The following TSLP variants were observed in gnomAD, a reference collection of about 807,000 sequenced individuals.
TSLP encodes the protein thymic stroma-derived lymphopoietin.
TSLP carries 12 observed loss-of-function variants against 12.4 expected under a neutral mutation model. The observed-to-expected ratio is 0.97, with a 90% CI of 0.62 to 1.57. The LOEUF is 1.57. Ranked by LOEUF, TSLP falls within the 40% of genes most tolerant of loss-of-function variation. TSLP has a pLI of 0.00. For synonymous variants in TSLP, 97 were observed against 69.5 expected (o/e 1.40, Z -1.97); for missense variants, 222 against 189.6 (o/e 1.17, Z -1.00).
chr5:111,071,649 G>C, upstream of TSLP: 2 of 1,430,042 alleles, frequency 1.4e-6, no homozygotes, highest in Non-Finnish European at 1.9e-6. Flanking sequence ...AAAATCATTG[G>C]CCTAGGAGAA....
At chr5:111,072,973 A>T in intron 2 of TSLP, 41 bp downstream of exon 2, 3 of 1,610,006 alleles carry the variant, frequency 1.9e-6, no homozygotes, top group Non-Finnish European at 2.6e-6. Context: ...CTCCAGGGAG[A>T]CGCCAGGCAT....
chr5:111,071,954 C>T lies in TSLP; in HGVS notation c.64C>T (p.Leu22Phe), dbSNP rs768686022. The T allele has an allele frequency of 1.2e-6, 2 of 1,614,220 alleles. No homozygotes were observed. Among genetic ancestry groups the T allele is most frequent in the South Asian group, 1.1e-5 (1 of 91,080 alleles). Residue 22 changes from leucine (L) to phenylalanine (F), a missense_variant, in exon 1 of 4, where the codon CTT becomes TTT. Leu to Phe is a conservative substitution (Grantham distance 22, BLOSUM62 0). Coordinates refer to ENST00000344895, the MANE Select transcript of TSLP (RefSeq NM_033035.5). Reference sequence around the variant, plus strand: ...TTTCAGGAAAATCTTCATCTTACAACTTGTAGGGCTGGTGTTAACTTACGA... The same window carrying T: ...TTTCAGGAAAATCTTCATCTTACAATTTGTAGGGCTGGTGTTAACTTACGA... ...VSFRKIFILQ[L>F]VGLVLTYDFT... is the part of the protein sequence containing the mutation.
Position 111,072,951 on chromosome 5 carries a change from G to T in TSLP, c.216+19G>T. 1 of 1,614,086 alleles carries T rather than the reference G, an allele frequency of 6.2e-7. No individual in the cohort carries two copies. The highest frequency in any genetic ancestry group is 1.1e-5 in the South Asian group (1 of 91,080). ...CAATCGGGTGAGTAGAGAGTTCAGT[G>T]CTGCTGGCTTTCTCCAGGGAGACGC... is the stretch of plus-strand genomic sequence containing the variant. On this transcript the variant is annotated intron_variant, in intron 2 of 3. Transcript: ENST00000344895.
At position 111,076,207 on chromosome 5, in the gene TSLP, T is replaced by C; in HGVS notation, c.*133T>C. 17 of 1,108,744 alleles carry C rather than the reference T, an allele frequency of 1.5e-5. No individual in the cohort carries two copies. Among genetic ancestry groups the C allele is most frequent in the Non-Finnish European group, 2.0e-5 (15 of 766,640 alleles). 68.7% of individuals were successfully genotyped at this position (1,108,744 alleles called of 1,614,324 possible). A position where few individuals can be genotyped will look rare whatever the true frequency, so the allele number is the denominator to read the frequency against. ...TTTAATTACAGAAGAGTTTCTTAACTTACTTTTGTAAGTTTTTATTGTGTA... is the reference window on the plus strand; with the variant it reads ...TTTAATTACAGAAGAGTTTCTTAACCTACTTTTGTAAGTTTTTATTGTGTA... On this transcript the variant is annotated 3_prime_UTR_variant, in exon 4 of 4. Coordinates refer to ENST00000344895, the MANE Select transcript of TSLP (RefSeq NM_033035.5).
rs760401501 is a variant in TSLP, at chr5:111,077,809, T to C, written c.*1735T>C. On this transcript the variant is annotated 3_prime_UTR_variant, in exon 4 of 4. Coordinates refer to ENST00000344895, the MANE Select transcript of TSLP (RefSeq NM_033035.5). Reference sequence around the variant, plus strand: ...TCTATGTGTTCCATAGATATCTTAATGTAAAATTAGTCATTTAAATTACAC... The same window carrying C: ...TCTATGTGTTCCATAGATATCTTAACGTAAAATTAGTCATTTAAATTACAC... 1 of 152,626 alleles carries C rather than the reference T, an allele frequency of 6.6e-6. No individual in the cohort carries two copies. Among genetic ancestry groups the C allele is most frequent in the Non-Finnish European group, 1.5e-5 (1 of 68,032 alleles). The allele number at this position is 152,626 out of a possible 1,614,324, so 9.5% of individuals were successfully genotyped here.
Position 111,073,736 on chromosome 5 carries a change from A to G in TSLP, c.351+91A>G, listed in dbSNP as rs568861978. ...GTGCAGAAGTCGTTCTCTTATTTTT[A>G]TTTAGGTTTTATCTTTCGAAGAGCA... On this transcript the variant is annotated intron_variant, in intron 3 of 3. Transcript: ENST00000344895. 6 of 1,429,976 alleles carry G rather than the reference A, an allele frequency of 4.2e-6. No individual in the cohort carries two copies. In the African/African-American group the frequency reaches 5.8e-5, roughly 14 times the overall value. The allele number at this position is 1,429,976 out of a possible 1,614,324, so 88.6% of individuals were successfully genotyped here. A position where few individuals can be genotyped will look rare whatever the true frequency, so the allele number is the denominator to read the frequency against.
intron 3 of TSLP, among the ~76,000 whole-genome samples, chr5:111,073,865 G>T (rs1343120943): frequency 6.6e-6 from 1 of 152,140 alleles, no homozygotes; most frequent in African/African-American, 2.4e-5. Flanking sequence ...GCTGAATTAT[G>T]GTTCTAAACC....
intron 3 of TSLP, among the ~76,000 whole-genome samples, chr5:111,075,410 A>C (rs1203171102): frequency 6.6e-6 from 1 of 152,166 alleles, no homozygotes; most frequent in African/African-American, 2.4e-5. Context: ...GATGGGGAGC[A>C]GGAGCATGCA....
chr5:111,073,083 G>A, intron 2 of TSLP, 151 bp downstream of exon 2: 4 of 999,004 alleles, frequency 4.0e-6, no homozygotes, highest in Non-Finnish European at 6.0e-6. Context: ...CTGTCAGAGC[G>A]GGGCTGCGCC....
chr5:111,072,776 T>C, intron 1 of TSLP, 112 bp from the exon 2 acceptor site: 1 of 1,064,686 alleles, frequency 9.4e-7, no homozygotes, highest in Non-Finnish European at 1.5e-6. Context: ...GGTACCTGAG[T>C]GGAAACTGTT....
chr5:111,072,029 A>C lies in TSLP; in HGVS notation c.139A>C (p.Ile47Leu). ...GATTAAAGCAGCCTATCTCAGTACTATTTCTAAAGACCTGATTACATATAT... is the reference window on the plus strand; with the variant it reads ...GATTAAAGCAGCCTATCTCAGTACTCTTTCTAAAGACCTGATTACATATAT... ...EKIKAAYLST[I>L]SKDLITYMSG... The change falls in exon 1 of 4, where the codon ATT becomes CTT. Residue 47 changes from isoleucine to leucine, a missense_variant. Ile to Leu is a conservative substitution (Grantham distance 5). Transcript: ENST00000344895. The C allele has an allele frequency of 6.2e-7, 1 of 1,614,060 alleles. No individual in the cohort carries two copies. Among genetic ancestry groups the C allele is most frequent in the Non-Finnish European group, 8.5e-7 (1 of 1,180,026 alleles).
chr5:111,072,958 G>T, intron 2 of TSLP, 26 bp downstream of exon 2: 1 of 1,613,642 alleles, frequency 6.2e-7, no homozygotes, highest in African/African-American at 1.3e-5. Context: ...AGTGCTGCTG[G>T]CTTTCTCCAG....
In TSLP at chr5:111,077,807, A is replaced by C. The variant is rs1035156826; in HGVS notation, c.*1733A>C. 6.6e-6 allele frequency: 1 copy of C among 152,614 alleles called. No individual in the cohort carries two copies. The highest frequency in any genetic ancestry group is 6.5e-5 in the Admixed American group (1 of 15,290). The allele number at this position is 152,614 out of a possible 1,614,324, so 9.5% of individuals were successfully genotyped here. On this transcript the variant is annotated 3_prime_UTR_variant, in exon 4 of 4. Transcript: ENST00000344895. ...ATTCTATGTGTTCCATAGATATCTT[A>C]ATGTAAAATTAGTCATTTAAATTAC...
rs775926557 is a variant in TSLP, at chr5:111,076,077, C to T, written c.*3C>T. 1 of 1,613,546 alleles carries T rather than the reference C, an allele frequency of 6.2e-7. No homozygotes were observed. The highest frequency in any genetic ancestry group is 1.1e-5 in the South Asian group (1 of 90,960). On this transcript the variant is annotated 3_prime_UTR_variant, in exon 4 of 4. Coordinates refer to ENST00000344895, the MANE Select transcript of TSLP (RefSeq NM_033035.5). Reference sequence around the variant, plus strand: ...GACCTTTACTGAAACAACAGTAAACCATCTTTATTATGGTCATATTTCACA... The same window carrying T: ...GACCTTTACTGAAACAACAGTAAACTATCTTTATTATGGTCATATTTCACA...
In TSLP at chr5:111,072,157, T is replaced by C. The variant is rs1017317312; in HGVS notation, c.171+96T>C. 4.9e-5 allele frequency: 54 copies of C among 1,102,310 alleles called. 1 individual carries two copies. In the South Asian group the frequency reaches 9.0e-4, roughly 18 times the overall value. The allele number at this position is 1,102,310 out of a possible 1,614,324, so 68.3% of individuals were successfully genotyped here. On this transcript the variant is annotated intron_variant, in intron 1 of 3. Transcript: ENST00000344895. ...TTAACTTTGTAGGAAAGAAAAATAA[T>C]TTAGAAAAAATCATGGCCCCACATT...
intron 3 of TSLP, 77 bp downstream of exon 3, chr5:111,073,722 G>A: frequency 4.1e-6 from 6 of 1,470,458 alleles, no homozygotes; most frequent in Non-Finnish European, 5.6e-6. Flanking sequence ...TGCAGAAGTC[G>A]TTCTCTTATT....
At position 111,072,944 on chromosome 5, in the gene TSLP, G is replaced by C. The variant is rs950686489; in HGVS notation, c.216+12G>C. ...CTTGTAGCAATCGGGTGAGTAGAGA[G>C]TTCAGTGCTGCTGGCTTTCTCCAGG... On this transcript the variant is annotated intron_variant, in intron 2 of 3. Coordinates refer to ENST00000344895, the MANE Select transcript of TSLP (RefSeq NM_033035.5). 1 of 1,614,176 alleles carries C rather than the reference G, an allele frequency of 6.2e-7. No individual in the cohort carries two copies. The highest frequency in any genetic ancestry group is 8.5e-7 in the Non-Finnish European group (1 of 1,179,998).
chr5:111,073,067 T>A, intron 2 of TSLP, 135 bp downstream of exon 2: 1 of 1,076,518 alleles, frequency 9.3e-7, no homozygotes, highest in South Asian at 1.4e-5. Flanking sequence ...AAAGGGGACA[T>A]CTGGGCTGTC....
At position 111,072,899 on chromosome 5, in the gene TSLP, C is replaced by T. The variant is rs112048764; in HGVS notation, c.183C>T (p.Thr61=). The part of the protein sequence containing the change: ...LITYMSGTKS[T]EFNNTVSCSN... ...TTTCTTTCTTCCAGACCAAAAGTAC[C>T]GAGTTCAACAACACCGTCTCTTGTA... Residue 61 remains threonine, a synonymous_variant, in exon 2 of 4, where the codon ACC becomes ACT. Coordinates refer to ENST00000344895, the MANE Select transcript of TSLP (RefSeq NM_033035.5). 1.9e-6 allele frequency: 3 copies of T among 1,614,166 alleles called. No homozygotes were observed. The highest frequency in any genetic ancestry group is 2.2e-5 in the East Asian group (1 of 44,872).
Sources: gnomAD v4.1 joint callset for allele counts (sites outside exome capture counted in the v4.1 genomes callset) on GRCh38, gnomAD v4.1.1 for gene constraint, MANE v1.5 for transcripts, NCBI Gene and HGNC (gene_info 2026-07-23, HGNC 2026-07-21) for gene names.